Variants in NEB observed in about 807,000 individuals in gnomAD.
NEB encodes nemaline myopathy type 2.
Under a neutral mutation model 952.2 loss-of-function variants are expected in NEB, and 512 were observed. That is an observed-to-expected ratio of 0.54 (90% CI 0.50 to 0.58). NEB has a LOEUF of 0.58. Ranked by LOEUF, NEB falls within the 20% of genes least tolerant of loss-of-function variation. The pLI is 0.00. For synonymous variants in NEB, 2,900 were observed against 3,149.8 expected (o/e 0.92, Z 2.66); for missense variants, 8,428 against 9,231.1 (o/e 0.91, Z 3.56).
chr2:151,708,767 CA>C (rs1233540589), intron 12 of NEB, among the ~76,000 whole-genome samples: 1 of 152,118 alleles, frequency 6.6e-6, no homozygotes, highest in African/African-American at 2.4e-5. Context: ...GTCTGTCCTC[CA>C]AAAAAATTAC....
intron 168 of NEB, 49 bp from the exon 169 acceptor site, chr2:151,499,439 G>A (rs2062782084): frequency 9.8e-7 from 1 of 1,024,244 alleles, no homozygotes; most frequent in African/African-American, 1.6e-5. Context: ...AGTCAAAACA[G>A]CCCTTTCATC....
intron 138 of NEB, among the ~76,000 whole-genome samples, chr2:151,539,063 C>A (rs2093670113): frequency 1.3e-5 from 2 of 152,056 alleles, no homozygotes; most frequent in Non-Finnish European, 2.9e-5. Flanking sequence ...CAGATACTAC[C>A]CTTGTTACAT....
At chr2:151,556,762 G>T (rs111390846) in intron 124 of NEB, among the ~76,000 whole-genome samples, 34 of 101,448 alleles carry the variant, frequency 3.4e-4, no homozygotes, top group Middle Eastern at 4.7e-3. Flanking sequence ...CAATAATAGT[G>T]GGAGACTTTA....
chr2:151,567,154 C>A lies in NEB; in HGVS notation c.18156+14G>T. ...CATGCGTTTCTAGATAATGAAGAAA[C>A]AAAAATCACTTACATCACTCTGTAG... On this transcript the variant is annotated intron_variant, in intron 114 of 181. Transcript: ENST00000397345. 1 of 1,559,256 alleles carries A rather than the reference C, an allele frequency of 6.4e-7. No individual in the cohort carries two copies.
At chr2:151,510,676 C>G (rs2073517653) in intron 161 of NEB, among the ~76,000 whole-genome samples, 1 of 152,102 alleles carries the variant, frequency 6.6e-6, no homozygotes, top group Non-Finnish European at 1.5e-5. Context: ...TGTTGTTAAT[C>G]TCTTACTGTG....
At chr2:151,552,816 C>G (rs758784490) in intron 127 of NEB, 40 bp from the exon 128 acceptor site, 1 of 1,476,360 alleles carries the variant, frequency 6.8e-7, no homozygotes, top group Non-Finnish European at 9.4e-7. Flanking sequence ...TGGACCATTC[C>G]TTATGCTTGA....
chr2:151,666,130 T>C lies in NEB; in HGVS notation c.4991A>G (p.Asn1664Ser). The part of the protein sequence containing the change: ...HHYTLLPDAL[N>S]VEHSRNAMQI... ...CATGGCATTCCTGGAGTGCTCCACA[T>C]TCAAGGCATCGGGCAGGAGAGTGTA... Residue 1664 changes from asparagine (N) to serine (S), a missense_variant, in exon 41 of 182, where the codon AAT becomes AGT. This residue lies in a region of NEB where 2,851 missense variants were observed against 2,791.5 expected (regional missense o/e 1.02). Coordinates refer to ENST00000397345, the MANE Select transcript of NEB (RefSeq NM_001164508.2). 1.2e-6 allele frequency: 2 copies of C among 1,613,814 alleles called. No homozygotes were observed. Among genetic ancestry groups the C allele is most frequent in the Non-Finnish European group, 1.7e-6 (2 of 1,179,748 alleles).
intron 46 of NEB, 117 bp from the exon 47 acceptor site, chr2:151,659,286 A>G (rs2099120121): frequency 7.0e-6 from 4 of 574,124 alleles, no homozygotes; most frequent in African/African-American, 3.9e-5. Context: ...CTAGGTTTAA[A>G]TTAATTAATT....
chr2:151,527,343 C>G, intron 147 of NEB, 138 bp downstream of exon 147: 2 of 770,522 alleles, frequency 2.6e-6, no homozygotes, highest in Non-Finnish European at 4.1e-6. Context: ...TATCGCTCCC[C>G]CAACCATCCT....
In NEB at chr2:151,524,729, C is replaced by A. The variant is rs1355796824; in HGVS notation, c.22273-113G>T. The A allele has an allele frequency of 1.0e-4, 80 of 791,054 alleles. 1 individual carries two copies. The highest frequency in any genetic ancestry group is 4.5e-4 in the South Asian group (26 of 57,250). The allele number at this position is 791,054 out of a possible 1,614,324, so 49.0% of individuals were successfully genotyped here. A position where few individuals can be genotyped will look rare whatever the true frequency, so the allele number is the denominator to read the frequency against. On this transcript the variant is annotated intron_variant, in intron 151 of 181. Transcript: ENST00000397345. ...TTGCCCAGGCTTGAGTGCAGTGGTACAATCTCAGCTCACTGCAACTTCTGT... is the reference window on the plus strand; with the variant it reads ...TTGCCCAGGCTTGAGTGCAGTGGTAAAATCTCAGCTCACTGCAACTTCTGT...
At position 151,485,936 on chromosome 2, in the gene NEB, A is replaced by T. The variant is rs1222497271; in HGVS notation, c.25405-3T>A. 1 of 1,613,522 alleles carries T rather than the reference A, an allele frequency of 6.2e-7. No homozygotes were observed. The highest frequency in any genetic ancestry group is 1.1e-5 in the South Asian group (1 of 91,078). On this transcript the variant is annotated splice_polypyrimidine_tract_variant and splice_region_variant and intron_variant, in intron 181 of 181. Coordinates refer to ENST00000397345, the MANE Select transcript of NEB (RefSeq NM_001164508.2). ...TCATACATGGCACGGAAGATTTTCT[A>T]TTCGTGGGGATGGAAAAGGGGAAAT...
In NEB at chr2:151,630,822, A is replaced by G. The variant is rs756309002; in HGVS notation, c.9619-3T>C. The G allele has an allele frequency of 2.5e-6, 4 of 1,572,192 alleles. No homozygotes were observed. The highest frequency in any genetic ancestry group is 3.7e-5 in the Admixed American group (2 of 53,892). ...TCCCAGGCCTCTGTGTATAAACGCT[A>G]TAAAAGAAGATAAGATGCTGATTAA... On this transcript the variant is annotated splice_region_variant and splice_polypyrimidine_tract_variant and intron_variant, in intron 66 of 181. Coordinates refer to ENST00000397345, the MANE Select transcript of NEB (RefSeq NM_001164508.2).
At chr2:151,537,346 AATAAT>A in intron 140 of NEB, 110 bp from the exon 141 acceptor site, 1 of 632,846 alleles carries the variant, frequency 1.6e-6, no homozygotes, top group Non-Finnish European at 2.8e-6. Flanking sequence ...AGGTATATAA[AATAAT>A]AAAGTATTAA....
chr2:151,553,957 C>A lies in NEB; in HGVS notation c.19497G>T (p.Met6499Ile). Residue 6499 changes from methionine to isoleucine, a missense_variant, in exon 126 of 182, where the codon ATG (methionine) becomes ATT (isoleucine). By Grantham distance (10) the Met-to-Ile change is conservative. This residue lies in a region of NEB where 3,374 missense variants were observed against 3,651.5 expected (regional missense o/e 0.92). Transcript: ENST00000397345. ...KIHIVPDMVE[M>I]VTAKDSQKKV... is the part of the protein sequence containing the mutation. ...TCTTCTGGGAATCCTTGGCAGTAAC[C>A]ATCTCTACCATGTCGGGCACGATGT... The A allele has an allele frequency of 6.2e-7, 1 of 1,613,846 alleles. No homozygotes were observed. Among genetic ancestry groups the A allele is most frequent in the Non-Finnish European group, 8.5e-7 (1 of 1,179,790 alleles).
rs114157246 is a variant in NEB at position 151,553,796 on chromosome 2, G to A, written c.19626+32C>T. On this transcript the variant is annotated intron_variant, in intron 126 of 181. Transcript: ENST00000397345. Reference sequence around the variant, plus strand: ...CTGGGTGGGGCCGTGGGGCGGGGCCGTGGAGGGGTACTTCTTAAGTCACAG... The same window carrying A: ...CTGGGTGGGGCCGTGGGGCGGGGCCATGGAGGGGTACTTCTTAAGTCACAG... The A allele has an allele frequency of 1.6e-3, 2,515 of 1,573,872 alleles. 47 individuals are homozygous for A. In the African/African-American group the frequency reaches 0.03, roughly 19 times the overall value.
At chr2:151,512,612 T>C in intron 161 of NEB, 121 bp downstream of exon 161, 2 of 792,778 alleles carry the variant, frequency 2.5e-6, no homozygotes, top group Non-Finnish European at 4.3e-6. Context: ...CTGCACCTGG[T>C]GAATCTCTTT....
At chr2:151,646,359 C>A (rs2098957972) in intron 54 of NEB, 125 bp from the exon 55 acceptor site, 1 of 727,064 alleles carries the variant, frequency 1.4e-6, no homozygotes, top group Non-Finnish European at 2.3e-6. Flanking sequence ...AATAAGCAGA[C>A]AACATAAGCA....
intron 46 of NEB, 64 bp from the exon 47 acceptor site, chr2:151,659,233 T>TG: frequency 1.1e-6 from 1 of 948,834 alleles, no homozygotes; most frequent in Non-Finnish European, 1.7e-6. Context: ...AGTACATACA[T>TG]ATCATTGTAC....
chr2:151,645,349 G>C (rs1238325354), intron 55 of NEB, among the ~76,000 whole-genome samples: 1 of 152,044 alleles, frequency 6.6e-6, no homozygotes, highest in Non-Finnish European at 1.5e-5. Context: ...TCCCAAAATG[G>C]GACCATCCAA....
Sources: gnomAD v4.1 joint callset for allele counts (sites outside exome capture counted in the v4.1 genomes callset) on GRCh38, gnomAD v4.1.1 for gene constraint, gnomAD v4.1.1 regional missense constraint, MANE v1.5 for transcripts, NCBI Gene and HGNC (gene_info 2026-07-23, HGNC 2026-07-21) for gene names.